The following GRID1 variants were observed in gnomAD, a reference collection of about 807,000 sequenced individuals.
GRID1 encodes glutamate receptor ionotropic, delta-1.
Under a neutral mutation model 98.0 loss-of-function variants are expected in GRID1, and 28 were observed. The ratio of observed to expected loss-of-function variants is 0.29; its 90% confidence interval spans 0.21 to 0.39. The LOEUF is 0.39. Ranked by LOEUF, GRID1 falls within the 10% of genes least tolerant of loss-of-function variation. The pLI is 1.00. For missense variants in GRID1, 1,111 were observed against 1,340.5 expected, an observed-to-expected ratio of 0.83 and a Z score of 2.67; for synonymous variants, 553 against 538.5, an observed-to-expected ratio of 1.03 and a Z score of -0.37.
intron 4 of GRID1, among the ~76,000 whole-genome samples, chr10:85,936,544 A>T (rs879377689): frequency 2.0e-5 from 3 of 152,136 alleles, no homozygotes; most frequent in Admixed American, 6.5e-5. Flanking sequence ...AAAGAGAAAA[A>T]ATAGAAGCCT....
At chr10:86,154,567 G>A (rs1207884768) in intron 3 of GRID1, among the ~76,000 whole-genome samples, 1 of 152,180 alleles carries the variant, frequency 6.6e-6, no homozygotes, top group Non-Finnish European at 1.5e-5. Flanking sequence ...TGTCTCTAGA[G>A]AGTGGCTGCA....
chr10:86,197,961 A>T (rs1208964188), intron 3 of GRID1, among the ~76,000 whole-genome samples: 7 of 152,042 alleles, frequency 4.6e-5, no homozygotes, highest in Non-Finnish European at 8.8e-5. Context: ...GTCTGGAAAA[A>T]GTATGTATTA....
At chr10:86,103,590 G>A (rs1233791624) in intron 4 of GRID1, among the ~76,000 whole-genome samples, 1 of 152,254 alleles carries the variant, frequency 6.6e-6, no homozygotes, top group African/African-American at 2.4e-5. Flanking sequence ...CCCGGAGGAA[G>A]AGGACTCCCG....
At chr10:85,970,804 A>G (rs531902292) in intron 4 of GRID1, among the ~76,000 whole-genome samples, 31 of 152,186 alleles carry the variant, frequency 2.0e-4, no homozygotes, top group African/African-American at 6.7e-4. Context: ...CTTCTACTCA[A>G]TATTGTACTG....
intron 2 of GRID1, among the ~76,000 whole-genome samples, chr10:86,302,515 G>A (rs1244628514): frequency 2.6e-5 from 4 of 152,098 alleles, no homozygotes; most frequent in Non-Finnish European, 5.9e-5. Flanking sequence ...ACCATGAATC[G>A]CAGTGAAAGG....
chr10:85,727,315 AG>A (rs1203485177), intron 10 of GRID1, among the ~76,000 whole-genome samples: 1 of 152,244 alleles, frequency 6.6e-6, no homozygotes, highest in Non-Finnish European at 1.5e-5. Flanking sequence ...TGAGATGACA[AG>A]AATGGGGACA....
chr10:86,345,520 A>ATGT (rs1293359186), intron 2 of GRID1, among the ~76,000 whole-genome samples: 2 of 152,198 alleles, frequency 1.3e-5, no homozygotes, highest in African/African-American at 2.4e-5. Context: ...GGCCTCAGCC[A>ATGT]TGTAGAAGTC....
At chr10:85,711,038 G>T (rs750178130) in intron 12 of GRID1, among the ~76,000 whole-genome samples, 2 of 152,032 alleles carry the variant, frequency 1.3e-5, no homozygotes, top group Non-Finnish European at 2.9e-5. Context: ...AATGTAAAAT[G>T]ATGCAGCTGC....
At chr10:86,061,970 G>A (rs753811932) in intron 4 of GRID1, among the ~76,000 whole-genome samples, 1 of 152,180 alleles carries the variant, frequency 6.6e-6, no homozygotes, top group African/African-American at 2.4e-5. Flanking sequence ...AAGAGCCCAT[G>A]ACTGTATTCT....
rs536976992 is a variant in GRID1, at chr10:85,620,415, A to G, written c.2194-382T>C. ...AGGTGACTGAGATTCTGAGATCAGA[A>G]ATGTTGGGGAGAATAATATTTGGGG... On this transcript the variant is annotated intron_variant, in intron 13 of 15. Transcript: ENST00000327946. Among the ~76,000 whole-genome samples, 257 of 151,460 alleles carry G rather than the reference A, an allele frequency of 1.7e-3. 2 individuals are homozygous for G. The highest frequency in any genetic ancestry group is 5.9e-3 in the African/African-American group (245 of 41,512).
intron 13 of GRID1, chr10:85,646,955 G>A: frequency 1.9e-6 from 1 of 536,148 alleles, no homozygotes; most frequent in South Asian, 2.2e-5. Context: ...AGGAGGGTGG[G>A]CCAAAAGTCA....
chr10:86,001,326 A>G (rs2131874941), intron 4 of GRID1, among the ~76,000 whole-genome samples: 1 of 66,030 alleles, frequency 1.5e-5, no homozygotes, highest in South Asian at 8.0e-4. Context: ...GCAACAAAAT[A>G]AGCAAACAAA....
At chr10:85,840,912 G>A (rs1842955436) in intron 8 of GRID1, among the ~76,000 whole-genome samples, 1 of 152,078 alleles carries the variant, frequency 6.6e-6, no homozygotes, top group African/African-American at 2.4e-5. Flanking sequence ...GGCCATACTG[G>A]CCAAAGCAAT....
chr10:86,091,901 C>T (rs188335111), intron 4 of GRID1, among the ~76,000 whole-genome samples: 18 of 152,274 alleles, frequency 1.2e-4, no homozygotes, highest in Non-Finnish European at 2.2e-4. Context: ...CACTGTAGTT[C>T]GGCTCACAGG....
rs1438032918 is a variant in GRID1, at chr10:85,936,559, C to T, written c.727-20320G>A. Among the ~76,000 whole-genome samples the T allele has an allele frequency of 2.0e-5, 3 of 152,040 alleles. No individual in the cohort carries two copies. The East Asian group carries it at 5.8e-4, about 29-fold the overall frequency. ...AAAGAGAAAAAATAGAAGCCTCACT[C>T]CCAATGGACTGGCATTCTTCCTTAT... On this transcript the variant is annotated intron_variant, in intron 4 of 15. Transcript: ENST00000327946.
chr10:85,712,264 G>T (rs986724012), intron 12 of GRID1, among the ~76,000 whole-genome samples: 1 of 151,826 alleles, frequency 6.6e-6, no homozygotes, highest in East Asian at 1.9e-4. Flanking sequence ...CTGTACAGGT[G>T]CCTCACTGTG....
intron 15 of GRID1, among the ~76,000 whole-genome samples, chr10:85,603,778 C>T (rs1182761000): frequency 6.6e-6 from 1 of 152,168 alleles, no homozygotes; most frequent in Non-Finnish European, 1.5e-5. Flanking sequence ...ACCTTTCCCT[C>T]ACCTCAAACT....
At chr10:85,791,877 G>C (rs940162747) in intron 8 of GRID1, among the ~76,000 whole-genome samples, 1 of 152,120 alleles carries the variant, frequency 6.6e-6, no homozygotes, top group Non-Finnish European at 1.5e-5. Context: ...ACAAAGCCAG[G>C]GGACCCTGGG....
At chr10:85,843,347 T>A (rs1030000219) in intron 8 of GRID1, among the ~76,000 whole-genome samples, 7 of 151,672 alleles carry the variant, frequency 4.6e-5, no homozygotes, top group African/African-American at 1.7e-4. Context: ...TTTAAAAAAA[T>A]AGGAAAAAAT....
Sources: allele counts gnomAD v4.1 joint callset (sites outside exome capture counted in the v4.1 genomes callset), GRCh38; gene constraint gnomAD v4.1.1; transcripts MANE v1.5; gene names NCBI Gene and HGNC (gene_info 2026-07-23, HGNC 2026-07-21).